The following GNA13 variants were observed in gnomAD, a reference collection of about 807,000 sequenced individuals.
GNA13 encodes G protein subunit alpha 13.
A neutral mutation model predicts 33.5 loss-of-function variants in GNA13; 4 were observed. The ratio of observed to expected loss-of-function variants is 0.12; its 90% CI spans 0.06 to 0.27. The LOEUF (loss-of-function observed/expected upper bound fraction) is 0.27, where lower values mean the gene tolerates loss of function less well. GNA13 is among the 10% of genes least tolerant of loss of function. The pLI is 1.00. For synonymous variants in GNA13, 176 were observed against 183.8 expected, an observed-to-expected ratio of 0.96 and a Z score of 0.34; for missense variants, 319 against 487.2, an observed-to-expected ratio of 0.65 and a Z score of 3.25.
chr17:65,032,379 C>A (rs1387750290), intron 2 of GNA13, among the ~76,000 whole-genome samples: 3 of 152,180 alleles, frequency 2.0e-5, no homozygotes, highest in East Asian at 1.9e-4. Context: ...CCCACACTAT[C>A]TGAAATCTAT....
chr17:65,055,780 G>A, intron 1 of GNA13: 4 of 985,192 alleles, frequency 4.1e-6, no homozygotes, highest in South Asian at 4.7e-5. Context: ...TTATTGCGAC[G>A]GTTCCAGAAC....
chr17:65,018,864 C>A (rs1906478185), intron 2 of GNA13, among the ~76,000 whole-genome samples: 1 of 152,156 alleles, frequency 6.6e-6, no homozygotes, highest in African/African-American at 2.4e-5. Context: ...AGTGGCCTAT[C>A]CTTTCTGAGC....
intron 2 of GNA13, among the ~76,000 whole-genome samples, chr17:65,048,598 C>T (rs1024684718): frequency 6.6e-6 from 1 of 152,220 alleles, no homozygotes; most frequent in East Asian, 1.9e-4. Context: ...ATTTAGCTGA[C>T]CCATGATGGA....
chr17:65,030,540 A>T (rs1350328182), intron 2 of GNA13, among the ~76,000 whole-genome samples: 1 of 152,260 alleles, frequency 6.6e-6, no homozygotes, highest in African/African-American at 2.4e-5. Context: ...TCAGAAGACT[A>T]TCACACTCAA....
intron 3 of GNA13, among the ~76,000 whole-genome samples, chr17:65,017,633 T>TG (rs2143771352): frequency 6.6e-6 from 1 of 152,266 alleles, no homozygotes; most frequent in Non-Finnish European, 1.5e-5. Context: ...CTCCGAGGAA[T>TG]ACCTACAGGA....
At chr17:65,053,367 C>T (rs1907922498) in intron 2 of GNA13, 135 bp downstream of exon 2, 2 of 644,418 alleles carry the variant, frequency 3.1e-6, no homozygotes, top group Non-Finnish European at 2.8e-6. Flanking sequence ...GTGCCTTAGC[C>T]TTTCAGTCTG....
At position 65,056,686 on chromosome 17, in the gene GNA13, C is replaced by G; in HGVS notation, c.-93G>C. 1 of 814,212 alleles carries G rather than the reference C, an allele frequency of 1.2e-6. No individual in the cohort carries two copies. Among genetic ancestry groups the G allele is most frequent in the Non-Finnish European group, 1.6e-6 (1 of 630,070 alleles). The allele number at this position is 814,212 out of a possible 1,614,324, so 50.4% of individuals were successfully genotyped here. A position where few individuals can be genotyped will look rare whatever the true frequency, so the allele number is the denominator to read the frequency against. ...CGGCTCCGGCACCGAGGCTCGAGGG[C>G]GGGGAGCGCGGCGGCGGCCCGAGCG... is the stretch of plus-strand genomic sequence containing the variant. On this transcript the variant is annotated 5_prime_UTR_variant, in exon 1 of 4. Coordinates refer to ENST00000439174, the MANE Select transcript of GNA13 (RefSeq NM_006572.6).
intron 2 of GNA13, among the ~76,000 whole-genome samples, chr17:65,031,386 C>A (rs1190987166): frequency 6.6e-6 from 1 of 152,238 alleles, no homozygotes; most frequent in African/African-American, 2.4e-5. Flanking sequence ...ATCTTCCTGG[C>A]ACACGACTGT....
chr17:65,045,257 C>T (rs1427441491), intron 2 of GNA13, among the ~76,000 whole-genome samples: 1 of 152,066 alleles, frequency 6.6e-6, no homozygotes, highest in African/African-American at 2.4e-5. Flanking sequence ...TGGCGGCTCA[C>T]ACCTGTCATC....
intron 2 of GNA13, among the ~76,000 whole-genome samples, chr17:65,043,412 G>A (rs185781048): frequency 5.9e-5 from 9 of 151,794 alleles, no homozygotes; most frequent in African/African-American, 1.9e-4. Context: ...TCAGACCCCC[G>A]AGTAGCTGGG....
At chr17:65,056,261 G>GCCCCCCCCCCC in intron 1 of GNA13, 50 bp downstream of exon 1, 1 of 560,700 alleles carries the variant, frequency 1.8e-6, no homozygotes, top group Non-Finnish European at 3.0e-6. Flanking sequence ...ACCCGCCGCC[G>GCCCCCCCCCCC]CCCCAGCCCC....
At chr17:65,034,991 G>A (rs1907191443) in intron 2 of GNA13, among the ~76,000 whole-genome samples, 1 of 152,090 alleles carries the variant, frequency 6.6e-6, no homozygotes, top group Admixed American at 6.5e-5. Flanking sequence ...CTCCATGTTT[G>A]TCAGGCTGGT....
At chr17:65,043,481 T>A (rs1598496451) in intron 2 of GNA13, among the ~76,000 whole-genome samples, 2 of 152,042 alleles carry the variant, frequency 1.3e-5, no homozygotes. Flanking sequence ...GAGGCAGGCT[T>A]TTAGCATGTT....
rs758481005 is a variant in GNA13, at chr17:65,018,290, T to C, written c.524A>G (p.Lys175Arg). The C allele has an allele frequency of 2.0e-6, 3 of 1,504,704 alleles. No homozygotes were observed. In the South Asian group the frequency reaches 3.4e-5, roughly 17 times the overall value. 93.2% of individuals were successfully genotyped at this position (1,504,704 alleles called of 1,614,324 possible). A position where few individuals can be genotyped will look rare whatever the true frequency, so the allele number is the denominator to read the frequency against. Residue 175 changes from lysine (K) to arginine (R), a missense_variant, in exon 3 of 4, where the codon AAA (lysine) becomes AGA (arginine). By Grantham distance (26) the Lys-to-Arg change is conservative. This residue lies in a region of GNA13 where 136 missense variants were observed against 159.3 expected (regional missense o/e 0.85). Transcript: ENST00000439174. Reference sequence around the variant, plus strand: ...TTTATCCAAGTTATCCAGGAAATATTTTACAGATTCACCCTAAAAACAAGA... The same window carrying C: ...TTTATCCAAGTTATCCAGGAAATATCTTACAGATTCACCCTAAAAACAAGA... ...RREFQLGESV[K>R]YFLDNLDKLG...
chr17:65,034,741 G>A (rs1015361951), intron 2 of GNA13, among the ~76,000 whole-genome samples: 12 of 152,112 alleles, frequency 7.9e-5, no homozygotes, highest in Non-Finnish European at 1.6e-4. Context: ...ATGCTTCATC[G>A]TGGAGAAACA....
At position 65,037,777 on chromosome 17, in the gene GNA13, G is replaced by GAA. The variant is rs145051963; in HGVS notation, c.510+15724_510+15725insTT. The stretch of plus-strand genomic sequence containing the variant: ...AGAGAGACCCAGCCTCTACAAAAAT[G>GAA]GAAAAAAAAAAAAAAAAAAAAAAGA... On this transcript the variant is annotated intron_variant, in intron 2 of 3. Coordinates refer to ENST00000439174, the MANE Select transcript of GNA13 (RefSeq NM_006572.6). Among the ~76,000 whole-genome samples, 731 of 82,002 alleles carry GAA rather than the reference G, an allele frequency of 8.9e-3. 126 individuals carry two copies. The highest frequency in any genetic ancestry group is 0.03 in the African/African-American group (589 of 19,692). 53.8% of individuals were successfully genotyped at this position (82,002 alleles called of 152,430 possible).
chr17:65,051,605 CA>C (rs1007322443), intron 2 of GNA13, among the ~76,000 whole-genome samples: 23 of 151,400 alleles, frequency 1.5e-4, no homozygotes, highest in Non-Finnish European at 3.1e-4. Context: ...ACAAAACTCT[CA>C]AAAAAATGCA....
chr17:65,043,981 G>A (rs1907559943), intron 2 of GNA13, among the ~76,000 whole-genome samples: 1 of 152,148 alleles, frequency 6.6e-6, no homozygotes, highest in African/African-American at 2.4e-5. Context: ...AACTAGCCGG[G>A]TGTGGTAGTA....
intron 1 of GNA13, among the ~76,000 whole-genome samples, 155 bp downstream of exon 1, chr17:65,056,155 GC>G (rs111411121): frequency 5.5e-4 from 84 of 151,900 alleles, no homozygotes; most frequent in Middle Eastern, 3.4e-3. Context: ...GGCGGGCAGG[GC>G]CAGTTGCCGG....
Sources: gnomAD v4.1 joint callset for allele counts (sites outside exome capture counted in the v4.1 genomes callset) on GRCh38, gnomAD v4.1.1 for gene constraint, gnomAD v4.1.1 regional missense constraint, MANE v1.5 for transcripts, NCBI Gene and HGNC (gene_info 2026-07-23, HGNC 2026-07-21) for gene names.